PFKFB3: variants seen among roughly 807,000 people sequenced by gnomAD.
PFKFB3 encodes the protein 6-phosphofructo-2-kinase/fructose-2,6-biphosphatase 3.
In PFKFB3, 33 loss-of-function variants were observed where a neutral mutation model predicts 68.0. The ratio of observed to expected loss-of-function variants is 0.49; its 90% confidence interval spans 0.37 to 0.65. The LOEUF is 0.65. Ranked by LOEUF, PFKFB3 falls within the 30% of genes least tolerant of loss-of-function variation. The pLI, the probability that PFKFB3 is intolerant of heterozygous loss-of-function variation, is 0.00. For missense variants in PFKFB3, 586 were observed against 712.2 expected (o/e 0.82, Z 2.02); for synonymous variants, 315 against 288.2 (o/e 1.09, Z -0.94).
the PFKFB3 span, among the ~76,000 whole-genome samples, chr10:6,282,032 C>T: frequency 2.6e-5 from 4 of 151,292 alleles, no homozygotes; most frequent in African/African-American, 9.7e-5. Flanking sequence ...TTCACAGGCA[C>T]CTTCACGGCA....
chr10:6,173,267 T>A (rs772375635), intron 1 of PFKFB3, among the ~76,000 whole-genome samples: 1 of 152,116 alleles, frequency 6.6e-6, no homozygotes, highest in Non-Finnish European at 1.5e-5. Flanking sequence ...ATGTTTGTGT[T>A]TGCCAGCAGC....
the PFKFB3 span, among the ~76,000 whole-genome samples, chr10:6,267,914 C>G: frequency 3.0e-4 from 41 of 136,484 alleles, no homozygotes; most frequent in African/African-American, 1.0e-3. Flanking sequence ...GAGATGGTGC[C>G]ACTGCACTCC....
chr10:6,283,182 GGT>G, the PFKFB3 span, among the ~76,000 whole-genome samples: 1 of 152,226 alleles, frequency 6.6e-6, no homozygotes, highest in East Asian at 1.9e-4. Flanking sequence ...TGGCTGGGCT[GGT>G]GTCAAACTCC....
At chr10:6,161,465 C>T (rs1307665246) in intron 1 of PFKFB3, among the ~76,000 whole-genome samples, 1 of 151,798 alleles carries the variant, frequency 6.6e-6, no homozygotes, top group East Asian at 1.9e-4. Flanking sequence ...ATCCTGTTCC[C>T]AATAATCTTT....
chr10:6,254,805 GTTCTTTTTTTTTT>G (rs1358993717), downstream of PFKFB3, among the ~76,000 whole-genome samples: 1 of 40,654 alleles, frequency 2.5e-5, no homozygotes, highest in African/African-American at 8.0e-5. Context: ...ATTTTTTTCT[GTTCTTTTTTTTTT>G]TTTTTTTTTT....
At chr10:6,301,146 G>C in the PFKFB3 span, among the ~76,000 whole-genome samples, 7 of 152,116 alleles carry the variant, frequency 4.6e-5, no homozygotes, top group Non-Finnish European at 7.3e-5. Flanking sequence ...CTATAATTTG[G>C]GGGGAGATGT....
the PFKFB3 span, among the ~76,000 whole-genome samples, chr10:6,290,444 C>A: frequency 2.0e-5 from 3 of 151,094 alleles, no homozygotes; most frequent in South Asian, 2.1e-4. Context: ...AAGGCCTTTT[C>A]TGCATCTATT....
the PFKFB3 span, among the ~76,000 whole-genome samples, chr10:6,290,805 G>T: frequency 0.037 from 5,555 of 152,120 alleles, 164 homozygotes; most frequent in Middle Eastern, 0.15. Context: ...CGCCTGGCCT[G>T]TCTTTGATTT....
chr10:6,257,408 T>C (rs77738920), downstream of PFKFB3, among the ~76,000 whole-genome samples: 1,827 of 152,284 alleles, frequency 0.012, 30 homozygotes, highest in African/African-American at 0.042. Context: ...TCATGGTCAC[T>C]AATAAAGGTG....
In PFKFB3 at chr10:6,216,179, G is replaced by C; in HGVS notation, c.354G>C (p.Gly118=). 1 of 1,614,168 alleles carries C rather than the reference G, an allele frequency of 6.2e-7. No homozygotes were observed. The highest frequency in any genetic ancestry group is 2.2e-5 in the East Asian group (1 of 44,892). ...RDVKSYLAKE[G]GQIAVFDATN... ...TCAAAAGCTACCTGGCGAAAGAAGGGGGACAAATTGCGGTAAGTCCAGGCA... is the reference window on the plus strand; with the variant it reads ...TCAAAAGCTACCTGGCGAAAGAAGGCGGACAAATTGCGGTAAGTCCAGGCA... Residue 118 remains glycine (G), a synonymous_variant, in exon 4 of 15, where the codon GGG becomes GGC. Coordinates refer to ENST00000379775, the MANE Select transcript of PFKFB3 (RefSeq NM_004566.4).
At position 6,174,970 on chromosome 10, in the gene PFKFB3, C is replaced by T. The variant is rs531234553; in HGVS notation, c.16+29957C>T. Among the ~76,000 whole-genome samples the T allele has an allele frequency of 1.3e-4, 20 of 152,174 alleles. No homozygotes were observed. In the South Asian group the frequency reaches 3.5e-3, roughly 27 times the overall value. On this transcript the variant is annotated intron_variant, in intron 1 of 14. Coordinates refer to the PFKFB3 transcript ENST00000379789. ...AGCTGAGATTACACCTGCCTGCCAC[C>T]AGGCCTGGCTAATTTTTGTATTTTT... is the stretch of plus-strand genomic sequence containing the variant.
chr10:6,275,100 A>C, the PFKFB3 span, among the ~76,000 whole-genome samples: 1 of 151,962 alleles, frequency 6.6e-6, no homozygotes, highest in African/African-American at 2.4e-5. This position sits in a 1 kb window ranked among gnomAD's most constrained non-coding sequence, Gnocchi z 4.9. Flanking sequence ...CTCTGGGTGG[A>C]TTGTCCCATG....
the PFKFB3 span, among the ~76,000 whole-genome samples, chr10:6,309,302 G>A: frequency 1.2e-3 from 181 of 152,084 alleles, 1 homozygote; most frequent in Non-Finnish European, 9.7e-4. Context: ...GGTGGCTGAC[G>A]CCTATAATCT....
At position 6,203,161 on chromosome 10, in the gene PFKFB3, C is replaced by A. The variant is rs966877489; in HGVS notation, c.-100C>A. ...AAACGCCCGGCCGCGCGCCGGCGCACGCCCCCCTCTCCTCCTTTGTTCCGG... is the reference window on the plus strand; with the variant it reads ...AAACGCCCGGCCGCGCGCCGGCGCAAGCCCCCCTCTCCTCCTTTGTTCCGG... On this transcript the variant is annotated 5_prime_UTR_variant, in exon 1 of 15. Coordinates refer to ENST00000379775, the MANE Select transcript of PFKFB3 (RefSeq NM_004566.4). The A allele has an allele frequency of 1.1e-5, 16 of 1,515,118 alleles. No homozygotes were observed. In the South Asian group the frequency reaches 1.7e-4, roughly 16 times the overall value. The allele number at this position is 1,515,118 out of a possible 1,614,324, so 93.9% of individuals were successfully genotyped here. A position where few individuals can be genotyped will look rare whatever the true frequency, so the allele number is the denominator to read the frequency against.
At chr10:6,193,685 T>G (rs1397638653) in intron 1 of PFKFB3, among the ~76,000 whole-genome samples, 2 of 152,240 alleles carry the variant, frequency 1.3e-5, no homozygotes, top group Non-Finnish European at 2.9e-5. Context: ...GGTGGGATTA[T>G]CATTGGTTCT....
chr10:6,181,972 A>G (rs1346342341), intron 1 of PFKFB3, among the ~76,000 whole-genome samples: 2 of 152,028 alleles, frequency 1.3e-5, no homozygotes, highest in African/African-American at 2.4e-5. Context: ...AGATGGAAAA[A>G]TTCTGGAGCT....
At chr10:6,213,863 A>T in intron 2 of PFKFB3, 115 bp downstream of exon 2, 1 of 1,102,966 alleles carries the variant, frequency 9.1e-7, no homozygotes, top group Non-Finnish European at 1.3e-6. Context: ...CTGGTCGGGG[A>T]GTCTGATCCT....
intron 1 of PFKFB3, 109 bp downstream of exon 1, chr10:6,203,445 G>T: frequency 3.3e-6 from 2 of 603,384 alleles, no homozygotes; most frequent in Middle Eastern, 6.1e-4. Flanking sequence ...CGCCCGTGCG[G>T]GTCGCGCCGG....
chr10:6,208,918 C>T (rs569274768), intron 1 of PFKFB3, among the ~76,000 whole-genome samples: 1 of 152,308 alleles, frequency 6.6e-6, no homozygotes, highest in East Asian at 1.9e-4. Context: ...GTATGTTTGC[C>T]TGCAGGGAAC....
Sources: allele counts gnomAD v4.1 joint callset (sites outside exome capture counted in the v4.1 genomes callset), GRCh38; gene constraint gnomAD v4.1.1; non-coding constraint Gnocchi (gnomAD v3.1); transcripts MANE v1.5; gene names NCBI Gene and HGNC (gene_info 2026-07-23, HGNC 2026-07-21).